The following CRYL1 variants were observed in gnomAD, a reference collection of about 807,000 sequenced individuals.
CRYL1 encodes crystallin lambda 1.
In CRYL1, 29 loss-of-function variants were observed where a neutral mutation model predicts 36.6. The ratio of observed to expected loss-of-function variants is 0.79; its 90% CI spans 0.59 to 1.08. The LOEUF (loss-of-function observed/expected upper bound fraction) is 1.08. CRYL1 is among the 50% of genes least tolerant of loss of function. The pLI, the probability that CRYL1 is intolerant of heterozygous loss-of-function variation, is 0.00. For missense variants in CRYL1, 411 were observed against 407.9 expected, an observed-to-expected ratio of 1.01 and a Z score of -0.06; for synonymous variants, 152 against 151.5, an observed-to-expected ratio of 1.00 and a Z score of -0.02.
Position 20,511,489 on chromosome 13 carries a change from T to C in CRYL1, c.149+954A>G, listed in dbSNP as rs539226712. Among the ~76,000 whole-genome samples the C allele has an allele frequency of 7.9e-5, 12 of 152,378 alleles. No individual in the cohort carries two copies. In the East Asian group the frequency reaches 2.3e-3, roughly 29 times the overall value. On this transcript the variant is annotated intron_variant, in intron 2 of 7. Coordinates refer to ENST00000298248, the MANE Select transcript of CRYL1 (RefSeq NM_015974.3). The stretch of plus-strand genomic sequence containing the variant: ...AACTTCTCTGTGTTCAAGTTCTTAA[T>C]GTGTAAAACAACACCAGGTTAGGGT...
At chr13:20,464,806 T>A (rs9315603) in intron 3 of CRYL1, among the ~76,000 whole-genome samples, 146,300 of 152,332 alleles carry the variant, frequency 0.96, 70,515 homozygotes, top group East Asian at 1. Flanking sequence ...TAGATTTGTC[T>A]CTTTTGCTTT....
intron 3 of CRYL1, among the ~76,000 whole-genome samples, chr13:20,469,520 A>C (rs1411978186): frequency 6.6e-6 from 1 of 152,190 alleles, no homozygotes; most frequent in Admixed American, 6.5e-5. Context: ...AAAGAAATGG[A>C]GTGGCTCACA....
chr13:20,516,190 CAA>C (rs35780379), intron 1 of CRYL1, among the ~76,000 whole-genome samples: 1 of 73,294 alleles, frequency 1.4e-5, no homozygotes, highest in Non-Finnish European at 2.4e-5. Context: ...AACTCCATCT[CAA>C]AAAAAAAAAA....
chr13:20,430,687 A>G, intron 5 of CRYL1: 3 of 985,368 alleles, frequency 3.0e-6, no homozygotes, highest in Non-Finnish European at 3.6e-6. Context: ...GTGGGCTCAC[A>G]CCTTTCATAT....
chr13:20,452,301 CT>C (rs1278012471), intron 3 of CRYL1, among the ~76,000 whole-genome samples: 1 of 146,664 alleles, frequency 6.8e-6, no homozygotes, highest in Non-Finnish European at 1.5e-5. Context: ...AAAAAATCTA[CT>C]TTAAATGTAT....
intron 3 of CRYL1, among the ~76,000 whole-genome samples, chr13:20,441,801 G>A (rs1359414300): frequency 6.6e-6 from 1 of 152,108 alleles, no homozygotes; most frequent in African/African-American, 2.4e-5. Flanking sequence ...TCATCTACAA[G>A]ATTTTTGAAG....
intron 4 of CRYL1, 49 bp downstream of exon 4, chr13:20,439,544 C>CAAAAAAAAAA: frequency 1.8e-6 from 1 of 561,762 alleles, no homozygotes; most frequent in Non-Finnish European, 2.5e-6. Flanking sequence ...AAAAAAAAAA[C>CAAAAAAAAAA]ACAGAATGAG....
At chr13:20,511,927 A>G (rs1009718082) in intron 2 of CRYL1, among the ~76,000 whole-genome samples, 4 of 152,240 alleles carry the variant, frequency 2.6e-5, no homozygotes, top group African/African-American at 9.7e-5. Context: ...TACCGCTGTC[A>G]CAGTTAATAA....
chr13:20,439,736 G>A lies in CRYL1; in HGVS notation c.295C>T (p.Leu99=). ...MHIQECVPED[L]ELKKKIFAQL... Reference sequence around the variant, plus strand: ...GCAAAAATCTTCTTCTTCAGTTCTAGATCTTCTGGAACACATTCCTGAAAA... The same window carrying A: ...GCAAAAATCTTCTTCTTCAGTTCTAAATCTTCTGGAACACATTCCTGAAAA... Residue 99 remains leucine, a synonymous_variant, in exon 4 of 8, where the codon CTA becomes TTA. Coordinates refer to ENST00000298248, the MANE Select transcript of CRYL1 (RefSeq NM_015974.3). 6.2e-7 allele frequency: 1 copy of A among 1,614,030 alleles called. No individual in the cohort carries two copies. The highest frequency in any genetic ancestry group is 1.3e-5 in the African/African-American group (1 of 75,038).
At chr13:20,517,376 T>A (rs1025847958) in intron 1 of CRYL1, among the ~76,000 whole-genome samples, 1 of 151,544 alleles carries the variant, frequency 6.6e-6, no homozygotes, top group African/African-American at 2.4e-5. Flanking sequence ...AGGTGGATCA[T>A]CTGAGGTCAG....
At chr13:20,428,650 C>T (rs1040430956) in intron 5 of CRYL1, among the ~76,000 whole-genome samples, 4 of 152,164 alleles carry the variant, frequency 2.6e-5, no homozygotes, top group African/African-American at 2.4e-5. Flanking sequence ...GACACTGTCA[C>T]GGGTGGAAAT....
rs187891385 is a variant in CRYL1 at position 20,473,544 on chromosome 13, C to T, written c.276+15826G>A. Among the ~76,000 whole-genome samples, 282 of 152,368 alleles carry T rather than the reference C, an allele frequency of 1.9e-3. 1 individual carries two copies. The highest frequency in any genetic ancestry group is 3.5e-3 in the Non-Finnish European group (235 of 68,020). ...GTGGGTGGGCGGGCGCCAAGGATGG[C>T]GCTCCAAAGTAGAGGGCACACTTGG... is the stretch of plus-strand genomic sequence containing the variant. On this transcript the variant is annotated intron_variant, in intron 3 of 7. Coordinates refer to ENST00000298248, the MANE Select transcript of CRYL1 (RefSeq NM_015974.3).
chr13:20,437,362 C>T (rs1593444024), intron 4 of CRYL1, among the ~76,000 whole-genome samples: 1 of 148,898 alleles, frequency 6.7e-6, no homozygotes, highest in African/African-American at 2.5e-5. Context: ...GGCTGGAGTG[C>T]AGTGGCGCGA....
rs892903140 is a variant in CRYL1 at position 20,525,556 on chromosome 13, C to T, written c.41+198G>A. 2.6e-5 allele frequency among the ~76,000 whole-genome samples: 4 copies of T among 152,076 alleles called. No homozygotes were observed. The highest frequency in any genetic ancestry group is 9.7e-5 in the African/African-American group (4 of 41,432). On this transcript the variant is annotated intron_variant, in intron 1 of 7. Transcript: ENST00000298248. The surrounding 1 kb of genome is among the most constrained non-coding windows in gnomAD (Gnocchi z 4.3). ...GACCCAACTCCGCGGGGCGCCTCCA[C>T]CTGCCAAGCCCCTCCAGCCGCGCCT...
intron 6 of CRYL1, among the ~76,000 whole-genome samples, chr13:20,411,223 C>G (rs1439073762): frequency 6.6e-6 from 1 of 152,208 alleles, no homozygotes; most frequent in Non-Finnish European, 1.5e-5. Context: ...TCTTATAACT[C>G]TCCAACTCTG....
intron 3 of CRYL1, among the ~76,000 whole-genome samples, chr13:20,487,641 C>G (rs994008837): frequency 3.3e-5 from 5 of 152,022 alleles, no homozygotes; most frequent in Non-Finnish European, 7.4e-5. Context: ...CGGCTGGGAA[C>G]AGTGGTTTAT....
chr13:20,415,847 C>A lies in CRYL1; in HGVS notation c.634-2460G>T, dbSNP rs913111090. Among the ~76,000 whole-genome samples, 2 of 152,158 alleles carry A rather than the reference C, an allele frequency of 1.3e-5. No homozygotes were observed. The highest frequency in any genetic ancestry group is 2.4e-5 in the African/African-American group (1 of 41,392). On this transcript the variant is annotated intron_variant, in intron 5 of 7. Transcript: ENST00000298248. The surrounding 1 kb of genome is among the most constrained non-coding windows in gnomAD (Gnocchi z 4.1). ...TCTTCCTGTAAGTGGAATCACTGAGCGCGCGTTCTTTCGTGACTTGTCTCT... is the reference window on the plus strand; with the variant it reads ...TCTTCCTGTAAGTGGAATCACTGAGAGCGCGTTCTTTCGTGACTTGTCTCT...
chr13:20,460,466 T>C (rs1280784506), intron 3 of CRYL1, among the ~76,000 whole-genome samples: 1 of 149,486 alleles, frequency 6.7e-6, no homozygotes, highest in African/African-American at 2.4e-5. Context: ...GGGTGTTGGC[T>C]CTTTAATCTT....
chr13:20,455,851 T>C (rs577337731), intron 3 of CRYL1, among the ~76,000 whole-genome samples: 40 of 152,210 alleles, frequency 2.6e-4, no homozygotes, highest in Non-Finnish European at 4.9e-4. Flanking sequence ...AAAGCTATAG[T>C]AATTAAGAGA....
Sources: gnomAD v4.1 joint callset for allele counts (sites outside exome capture counted in the v4.1 genomes callset) on GRCh38, gnomAD v4.1.1 for gene constraint, Gnocchi (gnomAD v3.1) non-coding constraint, MANE v1.5 for transcripts, NCBI Gene and HGNC (gene_info 2026-07-23, HGNC 2026-07-21) for gene names.